Variants in MYBPC1 observed in about 807,000 individuals in gnomAD.
MYBPC1 encodes the protein myosin binding protein C1, also known as myosin-binding protein C, slow-type.
Under a neutral mutation model 147.1 loss-of-function variants are expected in MYBPC1, and 52 were observed. The observed-to-expected ratio is 0.35, with a 90% CI of 0.28 to 0.45. The LOEUF is 0.45. MYBPC1 is among the 20% of genes least tolerant of loss of function. MYBPC1 has a pLI of 1.00. For synonymous variants in MYBPC1, 477 were observed against 475.9 expected, an observed-to-expected ratio of 1.00 and a Z score of -0.03; for missense variants, 1,228 against 1,440.3, an observed-to-expected ratio of 0.85 and a Z score of 2.39.
rs778065840 is a variant in MYBPC1, at chr12:101,651,252, C to T, written c.1385C>T (p.Thr462Ile). The T allele has an allele frequency of 3.1e-6, 5 of 1,613,944 alleles. No homozygotes were observed. Among genetic ancestry groups the T allele is most frequent in the Admixed American group, 3.3e-5 (2 of 59,980 alleles). ...ACAGTGAAACCTCTGAAGATTTTGA[C>T]ACCTCTGACTGATCAGACTGTAAAT... Reference protein sequence around the residue: ...SVDLKPLKILTPLTDQTVNLG... With the variant: ...SVDLKPLKILIPLTDQTVNLG... Residue 462 changes from threonine to isoleucine, a missense_variant, in exon 16 of 32, where the codon ACA becomes ATA. By Grantham distance (89) the Thr-to-Ile change is moderately conservative. Coordinates refer to ENST00000361466, the MANE Select transcript of MYBPC1 (RefSeq NM_002465.4).
At chr12:101,656,481 C>A (rs993040846) in intron 18 of MYBPC1, among the ~76,000 whole-genome samples, 1 of 146,924 alleles carries the variant, frequency 6.8e-6, no homozygotes, top group Non-Finnish European at 1.5e-5. Context: ...AAGTTGCATC[C>A]ATTAAAGTAT....
At chr12:101,678,632 G>C (rs1900633084) in intron 28 of MYBPC1, among the ~76,000 whole-genome samples, 1 of 152,208 alleles carries the variant, frequency 6.6e-6, no homozygotes, top group Admixed American at 6.5e-5. Context: ...ACACTACACT[G>C]TAAGACAGAA....
Position 101,620,364 on chromosome 12 carries a change from G to C in MYBPC1, c.103+3121G>C, listed in dbSNP as rs781432702. On this transcript the variant is annotated intron_variant, in intron 3 of 31. Coordinates refer to ENST00000361466, the MANE Select transcript of MYBPC1 (RefSeq NM_002465.4). ...GTATGCTCAGTGGGGCCAAAGATTCGCCTTTTATTCTAGCACGTATTTATT... is the reference window on the plus strand; with the variant it reads ...GTATGCTCAGTGGGGCCAAAGATTCCCCTTTTATTCTAGCACGTATTTATT... Among the ~76,000 whole-genome samples, 12 of 152,134 alleles carry C rather than the reference G, an allele frequency of 7.9e-5. No homozygotes were observed. In the South Asian group the frequency reaches 2.5e-3, roughly 31 times the overall value.
chr12:101,631,421 T>C, intron 6 of MYBPC1, 150 bp from the exon 7 acceptor site: 1 of 917,434 alleles, frequency 1.1e-6, no homozygotes, highest in Non-Finnish European at 1.7e-6. Context: ...AGAGCATTCA[T>C]AAAAAAATCA....
chr12:101,596,101 T>C (rs945744306), intron 1 of MYBPC1, among the ~76,000 whole-genome samples: 3 of 152,158 alleles, frequency 2.0e-5, no homozygotes, highest in African/African-American at 7.2e-5. Context: ...TAGTTTTCAG[T>C]TTTTAATTCT....
chr12:101,617,838 T>A (rs1056466773), intron 3 of MYBPC1, among the ~76,000 whole-genome samples: 1 of 152,178 alleles, frequency 6.6e-6, no homozygotes, highest in Non-Finnish European at 1.5e-5. Context: ...TAGAAAATAA[T>A]CTTAATCATA....
At chr12:101,671,489 T>TGGG in intron 24 of MYBPC1, among the ~76,000 whole-genome samples, 1 of 152,318 alleles carries the variant, frequency 6.6e-6, no homozygotes, top group South Asian at 2.1e-4. Flanking sequence ...CATTGTGTAC[T>TGGG]ACATACCCCC....
At chr12:101,626,259 A>G (rs1034119028) in intron 3 of MYBPC1, among the ~76,000 whole-genome samples, 3 of 152,180 alleles carry the variant, frequency 2.0e-5, no homozygotes, top group African/African-American at 7.2e-5. Flanking sequence ...ATAAACACTA[A>G]AAGACATATT....
chr12:101,600,245 T>G (rs1312630658), intron 1 of MYBPC1: 4 of 151,814 alleles, frequency 2.6e-5, no homozygotes, highest in Admixed American at 6.6e-5. Flanking sequence ...GAACTTACAA[T>G]CCTTTATGCT....
the MYBPC1 span, among the ~76,000 whole-genome samples, chr12:101,692,896 T>C: frequency 6.6e-6 from 1 of 151,962 alleles, no homozygotes; most frequent in Admixed American, 6.6e-5. Context: ...GGAAAATCAA[T>C]TTAGAGCATG....
intron 3 of MYBPC1, among the ~76,000 whole-genome samples, chr12:101,623,721 C>G (rs933800650): frequency 1.3e-5 from 2 of 152,102 alleles, no homozygotes; most frequent in Non-Finnish European, 2.9e-5. Flanking sequence ...AATCAACAAT[C>G]TTATATATTT....
At chr12:101,606,681 G>C (rs1180050270) in intron 1 of MYBPC1, among the ~76,000 whole-genome samples, 1 of 152,128 alleles carries the variant, frequency 6.6e-6, no homozygotes, top group Non-Finnish European at 1.5e-5. Context: ...ATAATGAATA[G>C]AGTGGGGAAC....
chr12:101,647,436 T>C lies in MYBPC1; in HGVS notation c.1090+549T>C, dbSNP rs146031381. Among the ~76,000 whole-genome samples, 3 of 152,356 alleles carry C rather than the reference T, an allele frequency of 2.0e-5. No individual in the cohort carries two copies. The East Asian group carries it at 5.8e-4, about 29-fold the overall frequency. The stretch of plus-strand genomic sequence containing the variant: ...TCAGAAATGTCTAGCATTTAGTATC[T>C]TCTTTGCTAAAAGAATAATATTTGA... On this transcript the variant is annotated intron_variant, in intron 13 of 31. Coordinates refer to ENST00000361466, the MANE Select transcript of MYBPC1 (RefSeq NM_002465.4).
chr12:101,615,080 T>C (rs1885532995), intron 2 of MYBPC1: 1 of 173,972 alleles, frequency 5.7e-6, no homozygotes, highest in Non-Finnish European at 1.2e-5. Context: ...AGCACCATAT[T>C]GTCCACCAGC....
chr12:101,607,889 T>C (rs921227543), intron 1 of MYBPC1, among the ~76,000 whole-genome samples: 1 of 152,216 alleles, frequency 6.6e-6, no homozygotes, highest in Non-Finnish European at 1.5e-5. Context: ...TTTAAGTTAC[T>C]GGCCATGAAA....
chr12:101,609,085 G>A (rs1883329856), intron 1 of MYBPC1, among the ~76,000 whole-genome samples: 1 of 152,066 alleles, frequency 6.6e-6, no homozygotes, highest in Non-Finnish European at 1.5e-5. Context: ...GAAGGGCCTT[G>A]TCCTCAAGAA....
In MYBPC1 at chr12:101,614,383, G is replaced by A; in HGVS notation, c.26-113G>A. The stretch of plus-strand genomic sequence containing the variant: ...TGTTTCCCTCCTCCATCCCTCTTGT[G>A]AGTACACACAGGTGAGATGGCTGCC... On this transcript the variant is annotated intron_variant, in intron 1 of 31. Coordinates refer to ENST00000361466, the MANE Select transcript of MYBPC1 (RefSeq NM_002465.4). 1.1e-5 allele frequency: 12 copies of A among 1,093,514 alleles called. No homozygotes were observed. In the South Asian group the frequency reaches 1.4e-4, roughly 13 times the overall value. The allele number at this position is 1,093,514 out of a possible 1,614,324, so 67.7% of individuals were successfully genotyped here.
chr12:101,662,210 AAGAT>A (rs774165658), intron 20 of MYBPC1, 144 bp from the exon 21 acceptor site: 4 of 657,508 alleles, frequency 6.1e-6, no homozygotes, highest in Non-Finnish European at 1.0e-5. Flanking sequence ...CTCTTGGAAT[AAGAT>A]AGGTTAAAAA....
rs1289975675 is a variant in MYBPC1 at position 101,651,094 on chromosome 12, T to A, written c.1364-137T>A. ...TCAAATGTGAAATTATCCTCTAATA[T>A]ATTAATTGCATTGGTACAGCTTCTC... is the stretch of plus-strand genomic sequence containing the variant. On this transcript the variant is annotated intron_variant, in intron 15 of 31. Coordinates refer to ENST00000361466, the MANE Select transcript of MYBPC1 (RefSeq NM_002465.4). 3 of 924,916 alleles carry A rather than the reference T, an allele frequency of 3.2e-6. No homozygotes were observed. In the East Asian group the frequency reaches 7.5e-5, roughly 23 times the overall value. 57.3% of individuals were successfully genotyped at this position (924,916 alleles called of 1,614,324 possible).
Sources: allele counts gnomAD v4.1 joint callset (sites outside exome capture counted in the v4.1 genomes callset), GRCh38; gene constraint gnomAD v4.1.1; transcripts MANE v1.5; gene names NCBI Gene and HGNC (gene_info 2026-07-23, HGNC 2026-07-21).